The following CDH8 variants were observed in gnomAD, a reference collection of about 807,000 sequenced individuals.
The protein encoded by CDH8 is cadherin 8, also known as cadherin-8.
CDH8 carries 17 observed loss-of-function variants against 68.1 expected under a neutral mutation model. The observed-to-expected ratio is 0.25, with a 90% CI of 0.17 to 0.37. The LOEUF (loss-of-function observed/expected upper bound fraction) is 0.37, where lower values mean the gene tolerates loss of function less well. CDH8 is among the 10% of genes least tolerant of loss of function. The probability of loss-of-function intolerance (pLI) is 1.00; values close to 1 mark genes in which losing one functional copy is unlikely to be tolerated. For synonymous variants in CDH8, 372 were observed against 365.1 expected, an observed-to-expected ratio of 1.02 and a Z score of -0.21; for missense variants, 763 against 999.3, an observed-to-expected ratio of 0.76 and a Z score of 3.19.
At chr16:61,678,560 G>A (rs1596858618) in intron 10 of CDH8, among the ~76,000 whole-genome samples, 1 of 151,876 alleles carries the variant, frequency 6.6e-6, no homozygotes, top group Non-Finnish European at 1.5e-5. Flanking sequence ...TAAGTTCTGG[G>A]GTACATGTGC....
At position 61,854,959 on chromosome 16, in the gene CDH8, T is replaced by C. The variant is rs1358364402; in HGVS notation, c.667+2160A>G. On this transcript the variant is annotated intron_variant, in intron 4 of 11. Transcript: ENST00000577390. The stretch of plus-strand genomic sequence containing the variant: ...AAAATGTTTACATTCCACTCATACA[T>C]ATTTATGTTTCATCTAAAGAACTTA... 2.0e-5 allele frequency among the ~76,000 whole-genome samples: 3 copies of C among 152,182 alleles called. No individual in the cohort carries two copies. In the East Asian group the frequency reaches 5.8e-4, roughly 29 times the overall value.
chr16:62,014,341 T>C (rs985757497), intron 2 of CDH8, among the ~76,000 whole-genome samples: 3 of 152,192 alleles, frequency 2.0e-5, no homozygotes, highest in Non-Finnish European at 4.4e-5. Flanking sequence ...AGTCGGAACA[T>C]TGGACAAGAG....
At chr16:61,837,135 C>CCCT (rs149615615) in intron 4 of CDH8, among the ~76,000 whole-genome samples, 11 of 151,598 alleles carry the variant, frequency 7.3e-5, no homozygotes, top group Non-Finnish European at 8.8e-5. Flanking sequence ...AATAGAATTT[C>CCCT]CCTCCTCCTC....
intron 10 of CDH8, among the ~76,000 whole-genome samples, chr16:61,701,360 C>T (rs1011968347): frequency 6.6e-6 from 1 of 152,144 alleles, no homozygotes; most frequent in African/African-American, 2.4e-5. Flanking sequence ...AGTTTATAAA[C>T]ATTGCTTATG....
intron 3 of CDH8, among the ~76,000 whole-genome samples, chr16:61,889,955 A>G (rs540498064): frequency 2.0e-5 from 3 of 152,186 alleles, no homozygotes; most frequent in Non-Finnish European, 4.4e-5. Flanking sequence ...TCTTATGATA[A>G]GTGCAGATTG....
rs1902074478 is a variant in CDH8 at position 62,021,468 on chromosome 16, A to C, written c.-65T>G. On this transcript the variant is annotated 5_prime_UTR_variant, in exon 2 of 12. Transcript: ENST00000577390. ...ATTATTTTTTTTGTCTCCGGTCTGC[A>C]GCCATCCAATTCATCATGCAGTGCC... 1 of 1,548,578 alleles carries C rather than the reference A, an allele frequency of 6.5e-7. No homozygotes were observed. The highest frequency in any genetic ancestry group is 8.7e-7 in the Non-Finnish European group (1 of 1,148,526).
chr16:61,772,245 T>G (rs1960795646), intron 8 of CDH8, among the ~76,000 whole-genome samples: 1 of 152,022 alleles, frequency 6.6e-6, no homozygotes, highest in Non-Finnish European at 1.5e-5. Flanking sequence ...TGTTCAAAAC[T>G]CTTTTACAAA....
chr16:61,770,305 T>C lies in CDH8; in HGVS notation c.1414+19041A>G, dbSNP rs183903981. 3.9e-4 allele frequency among the ~76,000 whole-genome samples: 60 copies of C among 152,030 alleles called. 1 individual carries two copies. Among genetic ancestry groups the C allele is most frequent in the African/African-American group, 4.3e-4 (18 of 41,522 alleles). Reference sequence around the variant, plus strand: ...TCATTTAATGTTACAGATCTAGACATTGAACCAATAGAGAGCATGAAAGGG... The same window carrying C: ...TCATTTAATGTTACAGATCTAGACACTGAACCAATAGAGAGCATGAAAGGG... On this transcript the variant is annotated intron_variant, in intron 8 of 11. Coordinates refer to ENST00000577390, the MANE Select transcript of CDH8 (RefSeq NM_001796.5).
chr16:61,831,029 G>C (rs549450317), intron 4 of CDH8, among the ~76,000 whole-genome samples: 1 of 151,778 alleles, frequency 6.6e-6, no homozygotes, highest in Non-Finnish European at 1.5e-5. Flanking sequence ...CCTTGAAAGT[G>C]GGGGGCTGTA....
At chr16:61,826,639 CT>C (rs11380217) in intron 4 of CDH8, among the ~76,000 whole-genome samples, 233 of 145,550 alleles carry the variant, frequency 1.6e-3, no homozygotes, top group African/African-American at 1.9e-3. Context: ...AGTTGTAATT[CT>C]TTTTTTTTTT....
intron 2 of CDH8, among the ~76,000 whole-genome samples, chr16:61,957,544 G>A (rs1212500606): frequency 6.6e-6 from 1 of 152,022 alleles, no homozygotes; most frequent in African/African-American, 2.4e-5. Context: ...GATATAGGAT[G>A]GAAATGAAAA....
At chr16:61,712,222 A>G (rs1018312188) in intron 10 of CDH8, among the ~76,000 whole-genome samples, 3 of 151,748 alleles carry the variant, frequency 2.0e-5, no homozygotes, top group African/African-American at 7.2e-5. Context: ...TTGTAGAATT[A>G]AATCTCCTGT....
At chr16:61,854,532 C>T (rs930007191) in intron 4 of CDH8, among the ~76,000 whole-genome samples, 3 of 152,030 alleles carry the variant, frequency 2.0e-5, no homozygotes, top group African/African-American at 4.8e-5. Flanking sequence ...CTACATACCC[C>T]TTTTATTTTT....
chr16:61,714,702 TTAA>T (rs1208187631), intron 9 of CDH8, among the ~76,000 whole-genome samples: 2 of 151,646 alleles, frequency 1.3e-5, no homozygotes, highest in African/African-American at 2.4e-5. Context: ...GATAATTATC[TTAA>T]TAATTTGTAT....
intron 2 of CDH8, among the ~76,000 whole-genome samples, chr16:61,936,364 T>C (rs1964627161): frequency 6.6e-6 from 1 of 152,088 alleles, no homozygotes; most frequent in South Asian, 2.1e-4. Flanking sequence ...ACCACCAACA[T>C]TTATTGAATA....
chr16:61,858,761 G>A (rs1597022733), intron 3 of CDH8, among the ~76,000 whole-genome samples: 1 of 152,248 alleles, frequency 6.6e-6, no homozygotes, highest in African/African-American at 2.4e-5. Flanking sequence ...TCTAGAGATG[G>A]CATGCCCGTT....
intron 3 of CDH8, among the ~76,000 whole-genome samples, chr16:61,884,637 G>T (rs1372942098): frequency 2.6e-5 from 4 of 152,286 alleles, no homozygotes; most frequent in Non-Finnish European, 5.9e-5. Flanking sequence ...GCATCCCAAA[G>T]TGCTGGGATT....
At chr16:61,782,187 C>T (rs1272745119) in intron 8 of CDH8, among the ~76,000 whole-genome samples, 3 of 152,184 alleles carry the variant, frequency 2.0e-5, no homozygotes, top group Non-Finnish European at 4.4e-5. Flanking sequence ...CCGGGTTCAT[C>T]TCACTAGGGA....
In CDH8 at chr16:61,881,254, C is replaced by T. The variant is rs1409905463; in HGVS notation, c.547+19925G>A. On this transcript the variant is annotated intron_variant, in intron 3 of 11. Coordinates refer to ENST00000577390, the MANE Select transcript of CDH8 (RefSeq NM_001796.5). Reference sequence around the variant, plus strand: ...CACAGCAATAAACAACTGATATATTCAGTTTTAAATGTGCTGATTGCTGTA... The same window carrying T: ...CACAGCAATAAACAACTGATATATTTAGTTTTAAATGTGCTGATTGCTGTA... Among the ~76,000 whole-genome samples the T allele has an allele frequency of 2.0e-5, 3 of 152,224 alleles. No homozygotes were observed. The East Asian group carries it at 5.8e-4, about 29-fold the overall frequency.
Sources: gnomAD v4.1 joint callset for allele counts (sites outside exome capture counted in the v4.1 genomes callset) on GRCh38, gnomAD v4.1.1 for gene constraint, MANE v1.5 for transcripts, NCBI Gene and HGNC (gene_info 2026-07-23, HGNC 2026-07-21) for gene names.